Variants in CPNE8 observed in about 807,000 individuals in gnomAD.
CPNE8 encodes the protein copine 8.
A neutral mutation model predicts 81.5 loss-of-function variants in CPNE8; 45 were observed. The observed-to-expected ratio is 0.55, with a 90% CI of 0.44 to 0.71. The LOEUF is 0.71. Among genes scored for constraint, CPNE8 ranks in the 30% least tolerant of loss-of-function variants. The pLI is 0.00. For missense variants in CPNE8, 594 were observed against 672.1 expected, an observed-to-expected ratio of 0.88 and a Z score of 1.28; for synonymous variants, 252 against 226.3, an observed-to-expected ratio of 1.11 and a Z score of -1.02.
At chr12:38,790,880 T>A (rs1172681862) in intron 6 of CPNE8, among the ~76,000 whole-genome samples, 1 of 151,710 alleles carries the variant, frequency 6.6e-6, no homozygotes. Flanking sequence ...ATTGTTGTAG[T>A]TGTTTGTTTT....
chr12:38,808,012 T>A (rs570091692), intron 6 of CPNE8, among the ~76,000 whole-genome samples: 4 of 152,074 alleles, frequency 2.6e-5, no homozygotes, highest in Non-Finnish European at 5.9e-5. Context: ...ATGCTCATCA[T>A]CACTGGCCAT....
intron 19 of CPNE8, among the ~76,000 whole-genome samples, chr12:38,669,158 T>C (rs751866760): frequency 6.6e-6 from 1 of 152,220 alleles, no homozygotes; most frequent in Non-Finnish European, 1.5e-5. Context: ...TAATCATTTA[T>C]GTGAGTGTGA....
chr12:38,865,128 A>T (rs190054220), intron 3 of CPNE8, among the ~76,000 whole-genome samples: 65 of 152,284 alleles, frequency 4.3e-4, no homozygotes, highest in Non-Finnish European at 8.7e-4. Flanking sequence ...ATCTTTACCC[A>T]CTAACAAGAA....
At chr12:38,792,679 T>G (rs1398809457) in intron 6 of CPNE8, among the ~76,000 whole-genome samples, 2 of 151,802 alleles carry the variant, frequency 1.3e-5, no homozygotes, top group East Asian at 3.8e-4. Flanking sequence ...CCAGTCTTCC[T>G]GAAACACTTG....
intron 1 of CPNE8, among the ~76,000 whole-genome samples, chr12:38,875,440 T>C (rs1319904232): frequency 1.3e-5 from 2 of 152,214 alleles, no homozygotes; most frequent in Non-Finnish European, 2.9e-5. Flanking sequence ...TTAATAATCA[T>C]CTTCCATTAA....
chr12:38,829,247 G>T, intron 6 of CPNE8, 132 bp downstream of exon 6: 1 of 626,504 alleles, frequency 1.6e-6, no homozygotes, highest in Non-Finnish European at 2.9e-6. Context: ...AAAATTATTT[G>T]TTAAAAGAAA....
At chr12:38,696,372 TAA>T (rs58877067) in intron 14 of CPNE8, among the ~76,000 whole-genome samples, 11,936 of 138,702 alleles carry the variant, frequency 0.086, 697 homozygotes, top group East Asian at 0.26. Context: ...TGTTCTATAC[TAA>T]AAAAAAAAAA....
At chr12:38,657,342 C>T (rs1261604085) in intron 19 of CPNE8, among the ~76,000 whole-genome samples, 1 of 152,116 alleles carries the variant, frequency 6.6e-6, no homozygotes. Context: ...TCCACCATTG[C>T]TGAGGCTTGA....
At chr12:38,846,230 C>T (rs1943558110) in intron 4 of CPNE8, among the ~76,000 whole-genome samples, 1 of 151,918 alleles carries the variant, frequency 6.6e-6, no homozygotes, top group Non-Finnish European at 1.5e-5. Flanking sequence ...TATAGGATCT[C>T]CAATGTTGAA....
At position 38,867,128 on chromosome 12, in the gene CPNE8, G is replaced by A. The variant is rs1043952802; in HGVS notation, c.186+5876C>T. ...CCCACCTCACCCTCCCAAAGTGCTGGGATTACAGGCCTGAGCCACTGCACC... is the reference window on the plus strand; with the variant it reads ...CCCACCTCACCCTCCCAAAGTGCTGAGATTACAGGCCTGAGCCACTGCACC... On this transcript the variant is annotated intron_variant, in intron 3 of 19. Transcript: ENST00000331366. Among the ~76,000 whole-genome samples the A allele has an allele frequency of 3.9e-5, 6 of 152,130 alleles. No homozygotes were observed. The South Asian group carries it at 8.3e-4, about 21-fold the overall frequency.
intron 6 of CPNE8, among the ~76,000 whole-genome samples, chr12:38,797,924 T>C (rs1356912343): frequency 2.0e-5 from 3 of 152,086 alleles, no homozygotes; most frequent in East Asian, 3.9e-4. Context: ...GGAGCTGATG[T>C]GATCAACTAG....
intron 3 of CPNE8, among the ~76,000 whole-genome samples, chr12:38,865,086 AAT>A (rs1477338774): frequency 6.6e-6 from 1 of 152,206 alleles, no homozygotes; most frequent in Non-Finnish European, 1.5e-5. Context: ...GAACCATAGT[AAT>A]CATCGGCAAA....
intron 3 of CPNE8, among the ~76,000 whole-genome samples, chr12:38,861,743 A>G (rs1312370043): frequency 1.3e-5 from 2 of 152,190 alleles, no homozygotes; most frequent in African/African-American, 4.8e-5. Flanking sequence ...AAAGGACACA[A>G]ATTGTTATCA....
intron 6 of CPNE8, among the ~76,000 whole-genome samples, chr12:38,793,926 T>A (rs973047000): frequency 7.2e-5 from 11 of 152,078 alleles, no homozygotes; most frequent in African/African-American, 2.4e-4. Context: ...ATGTACATGA[T>A]AAGAAGACCT....
rs766926199 is a variant in CPNE8, at chr12:38,829,387, T to C, written c.399A>G (p.Lys133=). The C allele has an allele frequency of 3.1e-6, 5 of 1,609,312 alleles. No individual in the cohort carries two copies. The African/African-American group carries it at 6.7e-5, about 22-fold the overall frequency. The change falls in exon 6 of 20, where the codon AAA becomes AAG. Residue 133 remains lysine (K), a synonymous_variant. Transcript: ENST00000331366. ...AATTAAAAAATACTTACACTATTGG[T>C]TTTTCCAGGCGACTTCCCTGTGAAC... ...IVGSQGSRLE[K]PIVGIPGKKC... is the part of the protein sequence containing the mutation.
chr12:38,695,597 C>A (rs1939774979), intron 14 of CPNE8, among the ~76,000 whole-genome samples: 1 of 152,112 alleles, frequency 6.6e-6, no homozygotes, highest in Non-Finnish European at 1.5e-5. Flanking sequence ...GGGACTTTGC[C>A]ACTTGATCCA....
At chr12:38,783,243 T>A (rs1942094642) in intron 6 of CPNE8, among the ~76,000 whole-genome samples, 1 of 152,286 alleles carries the variant, frequency 6.6e-6, no homozygotes, top group Admixed American at 6.5e-5. Flanking sequence ...TCATCCCTCC[T>A]GCAAAGACAA....
At chr12:38,779,291 C>G (rs367627357) in intron 6 of CPNE8, among the ~76,000 whole-genome samples, 12 of 152,052 alleles carry the variant, frequency 7.9e-5, no homozygotes, top group African/African-American at 2.7e-4. Context: ...TGATCTTAGG[C>G]TTCTGATTTT....
chr12:38,900,779 A>G lies in CPNE8; in HGVS notation c.98+4658T>C, dbSNP rs767218131. On this transcript the variant is annotated intron_variant, in intron 1 of 19. Transcript: ENST00000331366. ...ATGGCACACATCTGTTTATCAGACTATATACAGTTGCTGGGTTCATGCAAG... is the reference window on the plus strand; with the variant it reads ...ATGGCACACATCTGTTTATCAGACTGTATACAGTTGCTGGGTTCATGCAAG... Among the ~76,000 whole-genome samples, 4 of 152,144 alleles carry G rather than the reference A, an allele frequency of 2.6e-5. No individual in the cohort carries two copies. The East Asian group carries it at 7.7e-4, about 29-fold the overall frequency.
Sources: allele counts gnomAD v4.1 joint callset (sites outside exome capture counted in the v4.1 genomes callset), GRCh38; gene constraint gnomAD v4.1.1; transcripts MANE v1.5; gene names NCBI Gene and HGNC (gene_info 2026-07-23, HGNC 2026-07-21).